Variants in FGD6 observed in about 807,000 individuals in gnomAD.
The protein encoded by FGD6 is FYVE, RhoGEF and PH domain containing 6.
FGD6 carries 90 observed loss-of-function variants against 149.4 expected under a neutral mutation model. The observed-to-expected ratio is 0.60, with a 90% CI of 0.51 to 0.72. The LOEUF is 0.72. Ranked by LOEUF, FGD6 falls within the 30% of genes least tolerant of loss-of-function variation. The pLI, the probability that FGD6 is intolerant of heterozygous loss-of-function variation, is 0.00. For synonymous variants in FGD6, 527 were observed against 584.0 expected (o/e 0.90, Z 1.41); for missense variants, 1,437 against 1,684.8 (o/e 0.85, Z 2.57).
At chr12:95,112,314 G>A (rs1417392280) in intron 9 of FGD6, among the ~76,000 whole-genome samples, 1 of 151,170 alleles carries the variant, frequency 6.6e-6, no homozygotes, top group Non-Finnish European at 1.5e-5. Flanking sequence ...TTAGACCCAG[G>A]CGTTGCTGGG....
chr12:95,204,719 C>CACAT (rs972234870), intron 2 of FGD6, among the ~76,000 whole-genome samples: 1 of 151,962 alleles, frequency 6.6e-6, no homozygotes, highest in African/African-American at 2.4e-5. Flanking sequence ...CGCACACACA[C>CACAT]ACACACATAC....
At chr12:95,121,481 G>GTGTATATATA (rs1491167311) in intron 8 of FGD6, among the ~76,000 whole-genome samples, 1 of 121,910 alleles carries the variant, frequency 8.2e-6, no homozygotes, top group African/African-American at 3.4e-5. Flanking sequence ...ATATATATAT[G>GTGTATATATA]TATATATATA....
At chr12:95,176,107 T>A (rs1003836932) in intron 2 of FGD6, among the ~76,000 whole-genome samples, 2 of 152,214 alleles carry the variant, frequency 1.3e-5, no homozygotes, top group Admixed American at 1.3e-4. Flanking sequence ...CTATTTTTAT[T>A]TTTTTGAAAA....
intron 2 of FGD6, 147 bp from the exon 3 acceptor site, chr12:95,172,891 TTTCCC>T: frequency 1.6e-6 from 1 of 610,790 alleles, no homozygotes; most frequent in Non-Finnish European, 2.5e-6. Flanking sequence ...ATCAGCCAAC[TTTCCC>T]TTCCTTCACC....
At chr12:95,146,196 C>T (rs1027863675) in intron 5 of FGD6, among the ~76,000 whole-genome samples, 20 of 152,180 alleles carry the variant, frequency 1.3e-4, no homozygotes, top group African/African-American at 4.8e-4. Context: ...AGGAACCACA[C>T]GCAGAATCTT....
intron 5 of FGD6, among the ~76,000 whole-genome samples, chr12:95,149,868 A>G (rs1342659560): frequency 6.8e-6 from 1 of 146,828 alleles, no homozygotes; most frequent in Non-Finnish European, 1.5e-5. Context: ...TGTATAATAT[A>G]TAATAGATTG....
At chr12:95,190,392 A>T (rs1180650468) in intron 2 of FGD6, among the ~76,000 whole-genome samples, 2 of 151,848 alleles carry the variant, frequency 1.3e-5, no homozygotes, top group East Asian at 1.9e-4. Flanking sequence ...CTGGTTTCGA[A>T]CTCCTGACCT....
chr12:95,151,752 C>T (rs757220419), intron 5 of FGD6, among the ~76,000 whole-genome samples: 1 of 152,202 alleles, frequency 6.6e-6, no homozygotes, highest in African/African-American at 2.4e-5. Context: ...CATTTCTCCA[C>T]AATTAAGCCT....
chr12:95,134,786 A>G lies in FGD6; in HGVS notation c.3035T>C (p.Leu1012Pro). Reference protein sequence around the residue: ...RCANLALKHYLLKPVQRIPQY... With the variant: ...RCANLALKHYPLKPVQRIPQY... ...GGGGATCCTCTGAACCGGCTTGAGC[A>G]GGTAGTGCTTGAGGGCCAGATTAGC... is the stretch of plus-strand genomic sequence containing the variant. Residue 1012 changes from leucine to proline, a missense_variant, in exon 8 of 21, where the codon CTG becomes CCG. Around this residue, in one of 2 missense-constraint regions of FGD6, gnomAD observed 382 missense variants for 538.7 expected, o/e 0.71. Coordinates refer to ENST00000343958, the MANE Select transcript of FGD6 (RefSeq NM_018351.4). 2 of 1,613,838 alleles carry G rather than the reference A, an allele frequency of 1.2e-6. No homozygotes were observed. Among genetic ancestry groups the G allele is most frequent in the Non-Finnish European group, 1.7e-6 (2 of 1,179,890 alleles).
chr12:95,170,583 A>C (rs1232940180), intron 3 of FGD6, among the ~76,000 whole-genome samples: 1 of 152,188 alleles, frequency 6.6e-6, no homozygotes, highest in Non-Finnish European at 1.5e-5. Flanking sequence ...CAGAGGTTGC[A>C]GTGAGCCGAG....
chr12:95,207,849 T>C (rs1221706385), intron 2 of FGD6, among the ~76,000 whole-genome samples: 1 of 152,168 alleles, frequency 6.6e-6, no homozygotes, highest in Non-Finnish European at 1.5e-5. Flanking sequence ...TAGGTAATTG[T>C]AGAAGCTTAA....
chr12:95,089,687 T>C lies in FGD6; in HGVS notation c.3860A>G (p.His1287Arg). The C allele has an allele frequency of 4.3e-6, 7 of 1,613,334 alleles. No individual in the cohort carries two copies. The highest frequency in any genetic ancestry group is 5.9e-6 in the Non-Finnish European group (7 of 1,179,620). The change falls in exon 18 of 21, where the codon CAC (histidine) becomes CGC (arginine). Residue 1287 changes from histidine to arginine, a missense_variant. By Grantham distance (29) the His-to-Arg change is conservative. Coordinates refer to ENST00000343958, the MANE Select transcript of FGD6 (RefSeq NM_018351.4). ...TCCAGGAGATCCAATCCTAGGGGAG[T>C]GCTGGTGATCTAGAACAAATCAGGC... ...FQELQKLDHQ[H>R]SPRIGSPGNH...
chr12:95,186,219 A>ATTC (rs755710827), intron 2 of FGD6, among the ~76,000 whole-genome samples: 11 of 33,000 alleles, frequency 3.3e-4, no homozygotes, highest in South Asian at 9.2e-4. Context: ...TGCTTCTTAT[A>ATTC]TTCTTCTTCT....
intron 12 of FGD6, 126 bp downstream of exon 12, chr12:95,107,437 C>G: frequency 2.6e-6 from 2 of 780,476 alleles, no homozygotes; most frequent in Non-Finnish European, 4.2e-6. Context: ...AGTGGTACGG[C>G]CAGTTCAAGA....
intron 14 of FGD6, among the ~76,000 whole-genome samples, chr12:95,103,793 T>A (rs1878523395): frequency 6.6e-6 from 1 of 152,182 alleles, no homozygotes; most frequent in South Asian, 2.1e-4. Flanking sequence ...CGCCTTGGCC[T>A]CCCAAAGTGC....
Position 95,079,136 on chromosome 12 carries a change from T to G in FGD6, c.*2384A>C, listed in dbSNP as rs1877587979. ...GCCAGGTTACATAAATAACAATTGG[T>G]CAGCTTTAGTAAGTTATGAAGGACT... On this transcript the variant is annotated 3_prime_UTR_variant, in exon 21 of 21. Transcript: ENST00000343958. 1 of 152,186 alleles carries G rather than the reference T, an allele frequency of 6.6e-6. No homozygotes were observed. The allele number at this position is 152,186 out of a possible 1,614,324, so 9.4% of individuals were successfully genotyped here. A position where few individuals can be genotyped will look rare whatever the true frequency, so the allele number is the denominator to read the frequency against.
At chr12:95,120,160 C>A (rs543581083) in intron 8 of FGD6, among the ~76,000 whole-genome samples, 2 of 151,418 alleles carry the variant, frequency 1.3e-5, no homozygotes, top group Non-Finnish European at 2.9e-5. Flanking sequence ...ACCCAAGAGG[C>A]GGAGGTTGAA....
intron 3 of FGD6, among the ~76,000 whole-genome samples, chr12:95,165,183 G>A (rs948865520): frequency 6.6e-6 from 1 of 152,076 alleles, no homozygotes; most frequent in Non-Finnish European, 1.5e-5. Flanking sequence ...CAGCTTCCAT[G>A]GCTGTACCAA....
chr12:95,135,281 T>C (rs1178834273), intron 7 of FGD6, among the ~76,000 whole-genome samples: 2 of 152,192 alleles, frequency 1.3e-5, no homozygotes, highest in Non-Finnish European at 2.9e-5. Flanking sequence ...GTGGTCAATA[T>C]AGTCAAAATA....
Sources: allele counts gnomAD v4.1 joint callset (sites outside exome capture counted in the v4.1 genomes callset), GRCh38; gene constraint gnomAD v4.1.1; regional missense constraint gnomAD v4.1.1; transcripts MANE v1.5; gene names NCBI Gene and HGNC (gene_info 2026-07-23, HGNC 2026-07-21).